CUL5: variants seen among roughly 807,000 people sequenced by gnomAD.
CUL5 encodes cullin-5.
In CUL5, 26 loss-of-function variants were observed where a neutral mutation model predicts 108.8. The observed-to-expected ratio is 0.24, with a 90% CI of 0.18 to 0.33. CUL5 has a LOEUF of 0.33. CUL5 is among the 10% of genes least tolerant of loss of function. The pLI, the probability that CUL5 is intolerant of heterozygous loss-of-function variation, is 1.00. For synonymous variants in CUL5, 334 were observed against 298.0 expected (o/e 1.12, Z -1.25); for missense variants, 524 against 909.2 (o/e 0.58, Z 5.45).
At chr11:108,010,501 C>G (rs941670366) in intron 1 of CUL5, among the ~76,000 whole-genome samples, 15 of 152,100 alleles carry the variant, frequency 9.9e-5, no homozygotes, top group Admixed American at 2.6e-4. Context: ...GAGAGGGGCC[C>G]TAGAATTAGA....
intron 11 of CUL5, chr11:108,085,027 A>T (rs373780539): frequency 2.6e-5 from 4 of 152,246 alleles, no homozygotes; most frequent in East Asian, 3.8e-4. Flanking sequence ...AACAAACAAA[A>T]GAAGGTCAAC....
At chr11:108,076,457 T>G (rs1425084504) in intron 10 of CUL5, among the ~76,000 whole-genome samples, 1 of 152,226 alleles carries the variant, frequency 6.6e-6, no homozygotes, top group Non-Finnish European at 1.5e-5. Flanking sequence ...CCACCCATTT[T>G]GCCACTGGTA....
At chr11:108,101,608 T>C (rs899185856) in intron 18 of CUL5, among the ~76,000 whole-genome samples, 1 of 152,232 alleles carries the variant, frequency 6.6e-6, no homozygotes. Context: ...TTAAAGGCCC[T>C]GTGGCAGGTC....
In CUL5 at chr11:108,057,964, A is replaced by G. The variant is rs955585554; in HGVS notation, c.780+3009A>G. Among the ~76,000 whole-genome samples the G allele has an allele frequency of 9.6e-4, 146 of 152,240 alleles. 3 individuals carry two copies. The highest frequency in any genetic ancestry group is 9.4e-3 in the Admixed American group (144 of 15,292). On this transcript the variant is annotated intron_variant, in intron 7 of 18. Coordinates refer to ENST00000393094, the MANE Select transcript of CUL5 (RefSeq NM_003478.6). ...AGTGGCTCACGCCTGTAATCCCAGC[A>G]CTTTGGGAGGCCAAGGCAGGCAGAT...
At chr11:108,078,687 A>G (rs1172094008) in intron 11 of CUL5, among the ~76,000 whole-genome samples, 1 of 152,316 alleles carries the variant, frequency 6.6e-6, no homozygotes, top group East Asian at 1.9e-4. Flanking sequence ...AATCTGAGCT[A>G]GTTATAGCAC....
chr11:108,028,582 T>C (rs192232320), intron 1 of CUL5, among the ~76,000 whole-genome samples: 1 of 152,268 alleles, frequency 6.6e-6, no homozygotes, highest in East Asian at 1.9e-4. Context: ...ATCACACCTG[T>C]AATCACAGCA....
chr11:108,011,180 A>G (rs1862048985), intron 1 of CUL5, among the ~76,000 whole-genome samples: 1 of 152,230 alleles, frequency 6.6e-6, no homozygotes, highest in Non-Finnish European at 1.5e-5. Flanking sequence ...CTCCCGAAAA[A>G]TAACTCTCAG....
intron 7 of CUL5, among the ~76,000 whole-genome samples, chr11:108,057,492 A>G (rs905138043): frequency 6.6e-6 from 1 of 152,220 alleles, no homozygotes; most frequent in Non-Finnish European, 1.5e-5. Context: ...GATATGATGC[A>G]CTAAGAAGAA....
At chr11:108,035,941 C>T (rs1217718945) in intron 2 of CUL5, among the ~76,000 whole-genome samples, 1 of 152,080 alleles carries the variant, frequency 6.6e-6, no homozygotes, top group Non-Finnish European at 1.5e-5. Context: ...TCTTTGGCAG[C>T]AGTAAAGCCA....
chr11:108,021,646 C>T (rs970366650), intron 1 of CUL5, among the ~76,000 whole-genome samples: 1 of 151,766 alleles, frequency 6.6e-6, no homozygotes, highest in Non-Finnish European at 1.5e-5. Flanking sequence ...CACCACCACA[C>T]CCAGTTAATA....
chr11:108,040,411 A>C (rs948184111), intron 2 of CUL5, among the ~76,000 whole-genome samples: 1 of 152,190 alleles, frequency 6.6e-6, no homozygotes, highest in African/African-American at 2.4e-5. Context: ...CAGGAGTTCG[A>C]TACCACCCTG....
At chr11:108,074,329 G>A (rs1390313038) in intron 10 of CUL5, among the ~76,000 whole-genome samples, 1 of 151,036 alleles carries the variant, frequency 6.6e-6, no homozygotes, top group Non-Finnish European at 1.5e-5. Flanking sequence ...CGAGTAGCTG[G>A]GATTACAGGG....
At chr11:108,037,413 C>A (rs1862774371) in intron 2 of CUL5, among the ~76,000 whole-genome samples, 1 of 152,188 alleles carries the variant, frequency 6.6e-6, no homozygotes, top group Non-Finnish European at 1.5e-5. Flanking sequence ...CCCAAGGTCA[C>A]CCCTAGGCTC....
chr11:108,034,644 G>A (rs1447077330), intron 2 of CUL5, among the ~76,000 whole-genome samples: 2 of 152,144 alleles, frequency 1.3e-5, no homozygotes, highest in Non-Finnish European at 2.9e-5. Flanking sequence ...TTAGGAAAAG[G>A]GGGAAAGCTT....
chr11:108,098,329 C>T (rs994033037), intron 17 of CUL5, 77 bp from the exon 18 acceptor site: 35 of 1,289,198 alleles, frequency 2.7e-5, no homozygotes, highest in Non-Finnish European at 3.7e-5. Context: ...TAAATCTTTT[C>T]TCTCAGACAT....
chr11:108,070,221 T>G, intron 8 of CUL5, 32 bp downstream of exon 8: 1 of 1,477,652 alleles, frequency 6.8e-7, no homozygotes, highest in South Asian at 1.1e-5. Flanking sequence ...GTTATCATAA[T>G]CTTCTAAGAG....
chr11:108,090,535 A>G (rs564010810), intron 13 of CUL5, among the ~76,000 whole-genome samples: 15 of 152,304 alleles, frequency 9.8e-5, no homozygotes, highest in Non-Finnish European at 2.2e-4. Context: ...AAATTATTAT[A>G]TCTTTAAGGT....
chr11:108,026,214 C>G (rs1244213209), intron 1 of CUL5, among the ~76,000 whole-genome samples: 1 of 152,098 alleles, frequency 6.6e-6, no homozygotes, highest in Non-Finnish European at 1.5e-5. Context: ...TCTGTCTCTT[C>G]ACTTTTCAGT....
chr11:108,071,694 G>T (rs904279759), intron 8 of CUL5, among the ~76,000 whole-genome samples: 6 of 151,910 alleles, frequency 3.9e-5, no homozygotes, highest in African/African-American at 1.5e-4. Context: ...CCAAAGACAT[G>T]CACCACCACA....
Sources: allele counts gnomAD v4.1 joint callset (sites outside exome capture counted in the v4.1 genomes callset), GRCh38; gene constraint gnomAD v4.1.1; transcripts MANE v1.5; gene names NCBI Gene and HGNC (gene_info 2026-07-23, HGNC 2026-07-21).